KCNIP4: variants seen among roughly 807,000 people sequenced by gnomAD.
KCNIP4 encodes Kv channel-interacting protein 4.
A neutral mutation model predicts 34.0 loss-of-function variants in KCNIP4; 12 were observed. The observed-to-expected ratio is 0.35, with a 90% CI of 0.23 to 0.57. The LOEUF is 0.57. Ranked by LOEUF, KCNIP4 falls within the 20% of genes least tolerant of loss-of-function variation. The probability of loss-of-function intolerance (pLI) is 0.83; values close to 1 mark genes in which losing one functional copy is unlikely to be tolerated. For missense variants in KCNIP4, 238 were observed against 311.7 expected (o/e 0.76, Z 1.78); for synonymous variants, 124 against 102.2 (o/e 1.21, Z -1.29).
chr4:21,497,599 A>G (rs887604930), intron 1 of KCNIP4, among the ~76,000 whole-genome samples: 19 of 152,162 alleles, frequency 1.2e-4, no homozygotes, highest in African/African-American at 7.2e-5. Context: ...CATTATTACA[A>G]TAAATCCTCT....
At chr4:21,428,913 C>T (rs758343030) in intron 1 of KCNIP4, among the ~76,000 whole-genome samples, 3 of 152,128 alleles carry the variant, frequency 2.0e-5, no homozygotes, top group Non-Finnish European at 4.4e-5. Flanking sequence ...CAAGCACCTA[C>T]CCCATTATCA....
At chr4:20,949,818 T>G in intron 1 of KCNIP4, among the ~76,000 whole-genome samples, 1 of 126,832 alleles carries the variant, frequency 7.9e-6, no homozygotes. Flanking sequence ...TGAGAATACA[T>G]GGACACAGGA....
intron 2 of KCNIP4, among the ~76,000 whole-genome samples, chr4:20,857,077 G>A (rs1721667635): frequency 6.7e-6 from 1 of 149,354 alleles, no homozygotes; most frequent in Non-Finnish European, 1.5e-5. Context: ...TGAAGTGTCT[G>A]CCTGTGGGCT....
chr4:21,814,939 C>T (rs572994930), intron 1 of KCNIP4, among the ~76,000 whole-genome samples: 37 of 152,152 alleles, frequency 2.4e-4, no homozygotes, highest in South Asian at 6.2e-4. Context: ...ACAATCTTAC[C>T]GGGGCAACTT....
chr4:21,862,241 T>G (rs950046605), intron 1 of KCNIP4, among the ~76,000 whole-genome samples: 3 of 152,118 alleles, frequency 2.0e-5, no homozygotes, highest in East Asian at 3.9e-4. Context: ...TCTATCTAGT[T>G]AGCATGCTTA....
chr4:21,928,780 T>A (rs1438792937), intron 1 of KCNIP4, among the ~76,000 whole-genome samples: 1 of 152,050 alleles, frequency 6.6e-6, no homozygotes, highest in Admixed American at 6.6e-5. Context: ...TTTCGCAGAA[T>A]GCAAATCCGT....
At chr4:21,727,416 C>T (rs1715275068) in intron 1 of KCNIP4, among the ~76,000 whole-genome samples, 1 of 152,110 alleles carries the variant, frequency 6.6e-6, no homozygotes, top group South Asian at 2.1e-4. Flanking sequence ...CTTCTGGTGC[C>T]TTGGTCTTGG....
chr4:21,499,346 A>AAAAAAAAAAAAAAAAC (rs1491409328), intron 1 of KCNIP4, among the ~76,000 whole-genome samples: 98 of 148,716 alleles, frequency 6.6e-4, no homozygotes, highest in African/African-American at 2.3e-3. Flanking sequence ...AAAAAAAAAA[A>AAAAAAAAAAAAAAAAC]CAACTACATA....
Position 21,082,639 on chromosome 4 carries a change from GA to G in KCNIP4, c.62-199931del, listed in dbSNP as rs968137398. On this transcript the variant is annotated intron_variant, in intron 1 of 8. Transcript: ENST00000382152. The stretch of plus-strand genomic sequence containing the variant: ...GGAAGAAGTAATAAAGTCTTACAGG[GA>G]AAAAAAAAACTTGTTACCTAAGGGC... 6.1e-5 allele frequency among the ~76,000 whole-genome samples: 9 copies of G among 147,990 alleles called. 1 individual carries two copies. Among genetic ancestry groups the G allele is most frequent in the Middle Eastern group, 3.5e-3 (1 of 286 alleles).
intron 1 of KCNIP4, among the ~76,000 whole-genome samples, chr4:21,629,783 C>A (rs758453200): frequency 2.6e-5 from 4 of 150,954 alleles, no homozygotes; most frequent in African/African-American, 9.7e-5. Flanking sequence ...TATTCTTGGG[C>A]GATTTCTACA....
chr4:21,062,530 A>ATG (rs3080754), intron 1 of KCNIP4, among the ~76,000 whole-genome samples: 27,558 of 149,198 alleles, frequency 0.18, 2,629 homozygotes, highest in Admixed American at 0.24. Flanking sequence ...GTGTGTGTGC[A>ATG]TGTGTGTGTG....
At position 21,924,266 on chromosome 4, in the gene KCNIP4, C is replaced by T. The variant is rs369094241; in HGVS notation, c.61+24305G>A. On this transcript the variant is annotated intron_variant, in intron 1 of 8. Coordinates refer to ENST00000382152, the MANE Select transcript of KCNIP4 (RefSeq NM_025221.6). ...TTCTTTTTTTTTTTTTTTTTTGAGA[C>T]GGAATCTCGCTCTGTCGCCCAGGCT... Among the ~76,000 whole-genome samples, 41 of 122,894 alleles carry T rather than the reference C, an allele frequency of 3.3e-4. No homozygotes were observed. The South Asian group carries it at 3.4e-3, about 10-fold the overall frequency. The allele number at this position is 122,894 out of a possible 152,430, so 80.6% of individuals were successfully genotyped here.
rs1236475832 is a variant in KCNIP4 at position 21,234,160 on chromosome 4, G to A, written c.62-351451C>T. The stretch of plus-strand genomic sequence containing the variant: ...GTATATTATATATAACATATATAAC[G>A]TATATTATATATAACATATATAACG... On this transcript the variant is annotated intron_variant, in intron 1 of 8. Transcript: ENST00000382152. Among the ~76,000 whole-genome samples, 70 of 39,610 alleles carry A rather than the reference G, an allele frequency of 1.8e-3. 22 individuals are homozygous for A. Among genetic ancestry groups the A allele is most frequent in the African/African-American group, 0.013 (54 of 4,182 alleles). The allele number at this position is 39,610 out of a possible 152,430, so 26.0% of individuals were successfully genotyped here. A position where few individuals can be genotyped will look rare whatever the true frequency, so the allele number is the denominator to read the frequency against.
intron 3 of KCNIP4, among the ~76,000 whole-genome samples, chr4:20,794,284 T>C (rs1713163631): frequency 6.6e-6 from 1 of 152,134 alleles, no homozygotes; most frequent in South Asian, 2.1e-4. Context: ...GCTGATTTGA[T>C]AGGAGTCGGA....
rs150532951 is a variant in KCNIP4 at position 21,696,187 on chromosome 4, TTTGA to T, written c.61+252380_61+252383del. Among the ~76,000 whole-genome samples the T allele has an allele frequency of 3.8e-3, 584 of 152,276 alleles. 14 individuals carry two copies. The East Asian group carries it at 0.068, about 18-fold the overall frequency. On this transcript the variant is annotated intron_variant, in intron 1 of 8. Transcript: ENST00000382152. ...TATTTGATGATGCTCTCTAAAATCA[TTTGA>T]TTGTCAGTTACTCTCTTAAAATGGT...
intron 1 of KCNIP4, among the ~76,000 whole-genome samples, chr4:21,910,261 C>T (rs1728230493): frequency 6.6e-6 from 1 of 152,086 alleles, no homozygotes; most frequent in Non-Finnish European, 1.5e-5. Flanking sequence ...AGCATCAATG[C>T]AAATGTGTTG....
intron 1 of KCNIP4, among the ~76,000 whole-genome samples, chr4:21,778,803 C>T (rs1402707979): frequency 6.6e-6 from 1 of 152,110 alleles, no homozygotes; most frequent in Non-Finnish European, 1.5e-5. Context: ...ATTTACTGAG[C>T]TCTTACTCTG....
At chr4:21,736,671 C>G (rs1428376407) in intron 1 of KCNIP4, among the ~76,000 whole-genome samples, 1 of 152,152 alleles carries the variant, frequency 6.6e-6, no homozygotes, top group Non-Finnish European at 1.5e-5. Context: ...TCAGTTACCT[C>G]TTCCATTATC....
chr4:20,938,519 AG>A (rs1190130548), intron 1 of KCNIP4, among the ~76,000 whole-genome samples: 1 of 152,118 alleles, frequency 6.6e-6, no homozygotes, highest in Non-Finnish European at 1.5e-5. Flanking sequence ...AATATTTAAG[AG>A]CAGGTATTTC....
Sources: gnomAD v4.1 joint callset for allele counts (sites outside exome capture counted in the v4.1 genomes callset) on GRCh38, gnomAD v4.1.1 for gene constraint, MANE v1.5 for transcripts, NCBI Gene and HGNC (gene_info 2026-07-23, HGNC 2026-07-21) for gene names.